GPBP1: variants seen among roughly 807,000 people sequenced by gnomAD.
GPBP1 encodes the protein GC-rich promoter binding protein 1, also known as vasculin.
A neutral mutation model predicts 56.5 loss-of-function variants in GPBP1; 13 were observed. That is an observed-to-expected ratio of 0.23 (90% CI 0.15 to 0.37). The LOEUF (loss-of-function observed/expected upper bound fraction) is 0.37. Among genes scored for constraint, GPBP1 ranks in the 10% least tolerant of loss-of-function variants. GPBP1 has a pLI of 1.00. For synonymous variants in GPBP1, 204 were observed against 188.9 expected, an observed-to-expected ratio of 1.08 and a Z score of -0.66; for missense variants, 477 against 572.3, an observed-to-expected ratio of 0.83 and a Z score of 1.70.
chr5:57,190,094 G>C (rs562103349), intron 2 of GPBP1, among the ~76,000 whole-genome samples: 132 of 152,068 alleles, frequency 8.7e-4, no homozygotes, highest in African/African-American at 3.1e-3. Context: ...TTTGTTTACT[G>C]TTGTAGTCTC....
At chr5:57,186,705 CT>C (rs1364749877) in intron 2 of GPBP1, among the ~76,000 whole-genome samples, 1 of 152,062 alleles carries the variant, frequency 6.6e-6, no homozygotes, top group Admixed American at 6.6e-5. Flanking sequence ...GTAGTTGAGA[CT>C]ACAGGTATGT....
chr5:57,234,782 A>G (rs1327012780), intron 5 of GPBP1, among the ~76,000 whole-genome samples: 1 of 152,188 alleles, frequency 6.6e-6, no homozygotes, highest in South Asian at 2.1e-4. Context: ...CTCAAAGCTA[A>G]TAGAAATTCC....
At chr5:57,227,052 A>G (rs1048232255) in intron 3 of GPBP1, among the ~76,000 whole-genome samples, 1 of 147,292 alleles carries the variant, frequency 6.8e-6, no homozygotes, top group Admixed American at 6.8e-5. Flanking sequence ...ATTCTTTTGA[A>G]ATTATTTTTT....
chr5:57,214,248 C>G, intron 3 of GPBP1, 55 bp downstream of exon 3: 2 of 1,360,050 alleles, frequency 1.5e-6, no homozygotes, highest in South Asian at 2.3e-5. Flanking sequence ...ATTTTTTACA[C>G]AAATGTAATT....
intron 2 of GPBP1, among the ~76,000 whole-genome samples, chr5:57,188,789 T>G (rs925064163): frequency 6.6e-6 from 1 of 151,918 alleles, no homozygotes; most frequent in African/African-American, 2.4e-5. Context: ...AGCCCCATAC[T>G]CTCTCTATTC....
intron 2 of GPBP1, among the ~76,000 whole-genome samples, chr5:57,200,664 G>T (rs1479561782): frequency 6.6e-6 from 1 of 151,856 alleles, no homozygotes; most frequent in African/African-American, 2.4e-5. Flanking sequence ...ACTGCGCCTG[G>T]CCTGAAAATT....
intron 2 of GPBP1, among the ~76,000 whole-genome samples, chr5:57,211,307 C>G (rs549013508): frequency 6.6e-4 from 101 of 152,202 alleles, no homozygotes; most frequent in Non-Finnish European, 1.2e-4. Context: ...TTCCCTCAGT[C>G]TCCGTAGTAG....
At chr5:57,228,518 T>A (rs527677342) in intron 3 of GPBP1, among the ~76,000 whole-genome samples, 2 of 151,970 alleles carry the variant, frequency 1.3e-5, no homozygotes, top group South Asian at 2.1e-4. Context: ...TGCATGCCTG[T>A]AGTCCCGGCT....
intron 6 of GPBP1, among the ~76,000 whole-genome samples, chr5:57,243,799 G>A (rs1049942334): frequency 3.3e-5 from 5 of 151,698 alleles, no homozygotes; most frequent in Non-Finnish European, 7.4e-5. Context: ...ATTCTCCTAT[G>A]TCAGCCCCCC....
intron 5 of GPBP1, among the ~76,000 whole-genome samples, chr5:57,235,717 G>C (rs1447672353): frequency 6.6e-6 from 1 of 152,068 alleles, no homozygotes; most frequent in Non-Finnish European, 1.5e-5. Context: ...ATTTTTTTCA[G>C]ATTTTACGTT....
At chr5:57,189,617 T>C (rs562039877) in intron 2 of GPBP1, among the ~76,000 whole-genome samples, 1 of 152,370 alleles carries the variant, frequency 6.6e-6, no homozygotes, top group Non-Finnish European at 1.5e-5. Context: ...TACCATTGTG[T>C]ACTCTATTTC....
At chr5:57,220,701 C>T (rs1755919918) in intron 3 of GPBP1, among the ~76,000 whole-genome samples, 1 of 152,104 alleles carries the variant, frequency 6.6e-6, no homozygotes, top group Non-Finnish European at 1.5e-5. Flanking sequence ...CTCAGGTGAT[C>T]AACCTGACTC....
At chr5:57,244,340 G>T (rs1410884526) in intron 6 of GPBP1, among the ~76,000 whole-genome samples, 1 of 152,120 alleles carries the variant, frequency 6.6e-6, no homozygotes, top group Admixed American at 6.5e-5. Context: ...GTTGTGTTTG[G>T]TTTCCTCCCT....
intron 2 of GPBP1, among the ~76,000 whole-genome samples, chr5:57,209,728 T>C (rs1561340582): frequency 1.3e-5 from 2 of 152,234 alleles, no homozygotes; most frequent in Non-Finnish European, 2.9e-5. Flanking sequence ...AAATGCTTTT[T>C]CTGCATCAAT....
chr5:57,179,980 A>T (rs1753969436), intron 2 of GPBP1, among the ~76,000 whole-genome samples: 2 of 151,928 alleles, frequency 1.3e-5, no homozygotes, highest in South Asian at 4.1e-4. Flanking sequence ...GGAAGGGAGG[A>T]GTAATGGGGA....
intron 2 of GPBP1, among the ~76,000 whole-genome samples, chr5:57,184,305 A>G (rs1042316068): frequency 2.6e-5 from 4 of 152,172 alleles, no homozygotes; most frequent in African/African-American, 9.7e-5. Context: ...GTTGCTTTGA[A>G]GAAACACCTG....
At chr5:57,254,337 CCAAAT>C (rs1741541535) in intron 10 of GPBP1, among the ~76,000 whole-genome samples, 1 of 152,148 alleles carries the variant, frequency 6.6e-6, no homozygotes, top group Non-Finnish European at 1.5e-5. Context: ...TTTCCCTTCT[CCAAAT>C]CATGTCCTGT....
At chr5:57,217,930 T>A (rs916430614) in intron 3 of GPBP1, among the ~76,000 whole-genome samples, 3 of 152,154 alleles carry the variant, frequency 2.0e-5, no homozygotes, top group Non-Finnish European at 4.4e-5. Flanking sequence ...TCATAAATAC[T>A]AGTTAATTTC....
intron 6 of GPBP1, among the ~76,000 whole-genome samples, chr5:57,240,756 C>T (rs1223393040): frequency 6.6e-6 from 1 of 151,736 alleles, no homozygotes; most frequent in East Asian, 1.9e-4. Context: ...AGGTGGATCA[C>T]CTGAGGTTGG....
Sources: gnomAD v4.1 joint callset for allele counts (sites outside exome capture counted in the v4.1 genomes callset) on GRCh38, gnomAD v4.1.1 for gene constraint, MANE v1.5 for transcripts, NCBI Gene and HGNC (gene_info 2026-07-23, HGNC 2026-07-21) for gene names.